SHB: variants seen among roughly 807,000 people sequenced by gnomAD.
The protein encoded by SHB is SH2 domain containing adaptor protein B, also known as SH2 domain-containing adapter protein B.
Under a neutral mutation model 52.3 loss-of-function variants are expected in SHB, and 20 were observed. The observed-to-expected ratio is 0.38, with a 90% CI of 0.27 to 0.56. SHB has a LOEUF of 0.56. Among genes scored for constraint, SHB ranks in the 20% least tolerant of loss-of-function variants. The probability of loss-of-function intolerance (pLI) is 0.71; values close to 1 mark genes in which losing one functional copy is unlikely to be tolerated. For synonymous variants in SHB, 397 were observed against 316.5 expected (o/e 1.25, Z -2.70); for missense variants, 825 against 723.3 (o/e 1.14, Z -1.61).
intron 2 of SHB, among the ~76,000 whole-genome samples, chr9:37,988,974 T>C (rs990247171): frequency 1.3e-5 from 2 of 152,196 alleles, no homozygotes; most frequent in African/African-American, 4.8e-5. Flanking sequence ...CTGGCTCTCC[T>C]GGGTCTCCAG....
chr9:38,002,230 A>C (rs1821023646), intron 2 of SHB, among the ~76,000 whole-genome samples: 1 of 152,260 alleles, frequency 6.6e-6, no homozygotes, highest in Non-Finnish European at 1.5e-5. Context: ...GGTGATAGCA[A>C]TAACCCCACA....
chr9:37,958,548 C>T lies in SHB; in HGVS notation c.1055-2494G>A, dbSNP rs116205532. Among the ~76,000 whole-genome samples the T allele has an allele frequency of 2.0e-3, 300 of 152,288 alleles. 1 individual carries two copies. The highest frequency in any genetic ancestry group is 6.9e-3 in the African/African-American group (288 of 41,568). ...GTGGAGAGGAGGCAGAGTGAGGACT[C>T]GCTGGGGGTTCCTGCCCTTCCTTCT... is the stretch of plus-strand genomic sequence containing the variant. On this transcript the variant is annotated intron_variant, in intron 3 of 5. Coordinates refer to ENST00000377707, the MANE Select transcript of SHB (RefSeq NM_003028.3).
In SHB at chr9:37,974,729, A is replaced by C. The variant is rs1207555245; in HGVS notation, c.947T>G (p.Val316Gly). ...QSVDSDSEST[V>G]SPRLRESKLP... ...CTTGCTCTCCCGCAGTCGGGGGCTG[A>C]CTGTGCTCTCCGAGTCTGAGTCAAC... Residue 316 changes from valine (V) to glycine (G), a missense_variant, in exon 3 of 6, where the codon GTC becomes GGC. Physicochemically the swap from Val to Gly is moderately radical, Grantham distance 109. Transcript: ENST00000377707. The C allele has an allele frequency of 1.2e-6, 2 of 1,614,014 alleles. No homozygotes were observed. Among genetic ancestry groups the C allele is most frequent in the Non-Finnish European group, 1.7e-6 (2 of 1,180,024 alleles).
chr9:38,054,672 C>A (rs555787577), intron 1 of SHB, among the ~76,000 whole-genome samples: 1 of 152,176 alleles, frequency 6.6e-6, no homozygotes, highest in Admixed American at 6.5e-5. Context: ...GATACAATCG[C>A]ACATCTGAGG....
chr9:37,934,761 C>T (rs1482053524), intron 5 of SHB, among the ~76,000 whole-genome samples: 1 of 152,242 alleles, frequency 6.6e-6, no homozygotes, highest in Non-Finnish European at 1.5e-5. Context: ...TTTTGACAAC[C>T]TCTTTCCACA....
At chr9:38,046,801 G>T (rs549847255) in intron 1 of SHB, among the ~76,000 whole-genome samples, 1 of 152,364 alleles carries the variant, frequency 6.6e-6, no homozygotes, top group Non-Finnish European at 1.5e-5. Flanking sequence ...GGCCTGACAG[G>T]CCTGACAGTA....
intron 2 of SHB, among the ~76,000 whole-genome samples, chr9:38,002,170 A>G (rs1821021711): frequency 6.6e-6 from 1 of 152,206 alleles, no homozygotes. Flanking sequence ...GGTTGTTCTG[A>G]GGATGAAATG....
At chr9:37,943,101 T>C (rs1832453403) in intron 5 of SHB, among the ~76,000 whole-genome samples, 1 of 152,188 alleles carries the variant, frequency 6.6e-6, no homozygotes, top group East Asian at 1.9e-4. Flanking sequence ...TACATCTCTC[T>C]TGGGCTCAGA....
rs377748296 is a variant in SHB at position 37,917,285 on chromosome 9, G to A, written c.*2536C>T. 2.0e-5 allele frequency among the ~76,000 whole-genome samples: 3 copies of A among 152,152 alleles called. No homozygotes were observed. The highest frequency in any genetic ancestry group is 7.2e-5 in the African/African-American group (3 of 41,442). On this transcript the variant is annotated 3_prime_UTR_variant, in exon 6 of 6. Coordinates refer to ENST00000377707, the MANE Select transcript of SHB (RefSeq NM_003028.3). ...CCTCTGCTGGCCTCTGTCCCTGAGA[G>A]GGGCAGGAGGTTGGGCCTCCCAGGG...
intron 1 of SHB, 30 bp from the exon 2 acceptor site, chr9:38,016,161 C>T (rs17847953): frequency 0.019 from 30,676 of 1,612,272 alleles, 917 homozygotes; most frequent in African/African-American, 0.14. Flanking sequence ...AGGTGTGAGT[C>T]CACCTTTGGC....
At chr9:37,994,711 G>A (rs990828087) in intron 2 of SHB, among the ~76,000 whole-genome samples, 7 of 152,254 alleles carry the variant, frequency 4.6e-5, no homozygotes, top group Admixed American at 4.6e-4. Context: ...TACATAGAGT[G>A]CGCAGACACA....
intron 5 of SHB, among the ~76,000 whole-genome samples, chr9:37,922,049 C>A (rs570968680): frequency 1.6e-4 from 24 of 152,328 alleles, no homozygotes; most frequent in Non-Finnish European, 3.2e-4. Context: ...ACATCATTCC[C>A]CTCTGCGTGC....
chr9:38,004,741 T>G (rs1450432295), intron 2 of SHB, among the ~76,000 whole-genome samples: 1 of 151,948 alleles, frequency 6.6e-6, no homozygotes, highest in Non-Finnish European at 1.5e-5. Flanking sequence ...CACGGGCACA[T>G]GAGTGCATGT....
chr9:37,955,088 A>T (rs1832613214), intron 4 of SHB, among the ~76,000 whole-genome samples: 1 of 152,204 alleles, frequency 6.6e-6, no homozygotes, highest in African/African-American at 2.4e-5. Context: ...TATCAAGCAG[A>T]CATGGAGCAA....
chr9:37,981,473 T>A (rs1820722888), intron 2 of SHB, among the ~76,000 whole-genome samples: 1 of 150,680 alleles, frequency 6.6e-6, no homozygotes, highest in South Asian at 2.1e-4. Flanking sequence ...GTGGCTGGTT[T>A]GAGCTTCTAT....
chr9:37,970,340 A>G (rs1477272815), intron 3 of SHB, among the ~76,000 whole-genome samples: 3 of 152,190 alleles, frequency 2.0e-5, no homozygotes, highest in Non-Finnish European at 4.4e-5. Flanking sequence ...TTCATTCCTA[A>G]GAAGTTGGGG....
chr9:37,965,452 A>G (rs185056604), intron 3 of SHB, among the ~76,000 whole-genome samples: 2 of 152,318 alleles, frequency 1.3e-5, no homozygotes, highest in African/African-American at 4.8e-5. Flanking sequence ...ACAGGTATAC[A>G]GCATGCAAGA....
chr9:37,933,312 G>T (rs1302684320), intron 5 of SHB, among the ~76,000 whole-genome samples: 1 of 152,266 alleles, frequency 6.6e-6, no homozygotes, highest in Non-Finnish European at 1.5e-5. Flanking sequence ...AGAACTGGGT[G>T]TTGGGGTCCT....
chr9:38,059,707 T>C (rs1208249552), intron 1 of SHB, among the ~76,000 whole-genome samples: 5 of 152,130 alleles, frequency 3.3e-5, no homozygotes, highest in Admixed American at 2.6e-4. Context: ...ACCCTTCCTG[T>C]AGACTCCAGA....
Sources: gnomAD v4.1 joint callset for allele counts (sites outside exome capture counted in the v4.1 genomes callset) on GRCh38, gnomAD v4.1.1 for gene constraint, MANE v1.5 for transcripts, NCBI Gene and HGNC (gene_info 2026-07-23, HGNC 2026-07-21) for gene names.